The following DISP2 variants were observed in gnomAD, a reference collection of about 807,000 sequenced individuals.
DISP2 encodes the protein protein dispatched homolog 2.
DISP2 carries 59 observed loss-of-function variants against 95.5 expected under a neutral mutation model. That is an observed-to-expected ratio of 0.62 (90% CI 0.50 to 0.77). The LOEUF (loss-of-function observed/expected upper bound fraction) is 0.77, where lower values mean the gene tolerates loss of function less well. Among genes scored for constraint, DISP2 ranks in the 30% least tolerant of loss-of-function variants. DISP2 has a pLI of 0.00. For synonymous variants in DISP2, 827 were observed against 815.0 expected, an observed-to-expected ratio of 1.01 and a Z score of -0.25; for missense variants, 1,752 against 1,854.6, an observed-to-expected ratio of 0.94 and a Z score of 1.02.
chr15:40,365,839 A>G (rs1445233441), intron 7 of DISP2, 114 bp downstream of exon 7: 14 of 1,032,738 alleles, frequency 1.4e-5, no homozygotes, highest in Middle Eastern at 5.9e-4. Context: ...GGGGAAGAGC[A>G]TTCCCTGCTT....
At position 40,370,499 on chromosome 15, in the gene DISP2, A is replaced by C. The variant is rs1889624785; in HGVS notation, c.*181A>C. ...CTTGATCTGTCTGCTCCTACTCCTC[A>C]CATCTGGAGGATTCCAGCAGGAGGG... is the stretch of plus-strand genomic sequence containing the variant. On this transcript the variant is annotated 3_prime_UTR_variant, in exon 8 of 8. Coordinates refer to ENST00000267889, the MANE Select transcript of DISP2 (RefSeq NM_033510.3). 7 of 1,125,078 alleles carry C rather than the reference A, an allele frequency of 6.2e-6. No individual in the cohort carries two copies. The highest frequency in any genetic ancestry group is 2.8e-5 in the South Asian group (2 of 72,566). 69.7% of individuals were successfully genotyped at this position (1,125,078 alleles called of 1,614,324 possible). A position where few individuals can be genotyped will look rare whatever the true frequency, so the allele number is the denominator to read the frequency against.
At position 40,371,421 on chromosome 15, in the gene DISP2, G is replaced by A. The variant is rs1327723267; in HGVS notation, c.*1103G>A. On this transcript the variant is annotated 3_prime_UTR_variant, in exon 8 of 8. Transcript: ENST00000267889. ...CCTCCCTCTGGAATCTGGCTGAGATGTCTGCTGGCCCTGGGGCGTCCTAGC... is the reference window on the plus strand; with the variant it reads ...CCTCCCTCTGGAATCTGGCTGAGATATCTGCTGGCCCTGGGGCGTCCTAGC... 1 of 152,424 alleles carries A rather than the reference G, an allele frequency of 6.6e-6. No homozygotes were observed. The highest frequency in any genetic ancestry group is 1.5e-5 in the Non-Finnish European group (1 of 68,206). 9.4% of individuals were successfully genotyped at this position (152,424 alleles called of 1,614,324 possible). A position where few individuals can be genotyped will look rare whatever the true frequency, so the allele number is the denominator to read the frequency against.
intron 7 of DISP2, among the ~76,000 whole-genome samples, chr15:40,366,391 G>A (rs1889497208): frequency 6.6e-6 from 1 of 152,200 alleles, no homozygotes; most frequent in Non-Finnish European, 1.5e-5. Context: ...TGAGATAGAA[G>A]TTGAAAAAAT....
In DISP2 at chr15:40,363,940, T is replaced by C. The variant is rs12443160; in HGVS notation, c.435T>C (p.His145=). The C allele has an allele frequency of 0.12, 178,109 of 1,531,070 alleles. 18,108 individuals carry two copies. The highest frequency in any genetic ancestry group is 0.56 in the East Asian group (24,623 of 44,064). 94.8% of individuals were successfully genotyped at this position (1,531,070 alleles called of 1,614,324 possible). A position where few individuals can be genotyped will look rare whatever the true frequency, so the allele number is the denominator to read the frequency against. ...GGAAGCCACCCGCTGTGCAGCACCATGTGGTCAGCGTCAGGTAAGGAGGGG... is the reference window on the plus strand; with the variant it reads ...GGAAGCCACCCGCTGTGCAGCACCACGTGGTCAGCGTCAGGTAAGGAGGGG... ...GTWKPPAVQH[H]VVSVRQERAF... Residue 145 remains histidine, a synonymous_variant, in exon 2 of 8, where the codon CAT becomes CAC. Coordinates refer to ENST00000267889, the MANE Select transcript of DISP2 (RefSeq NM_033510.3).
At position 40,374,003 on chromosome 15, in the gene DISP2, T is replaced by TAAAAAAAAAAAAAAAAAAAAAA. The variant is rs1555400587; in HGVS notation, c.*3697_*3698insAAAAAAAAAAAAAAAAAAAAAA. 1.8e-5 allele frequency: 2 copies of TAAAAAAAAAAAAAAAAAAAAAA among 114,136 alleles called. No homozygotes were observed. The highest frequency in any genetic ancestry group is 3.6e-5 in the Non-Finnish European group (2 of 56,072). The allele number at this position is 114,136 out of a possible 1,614,324, so 7.1% of individuals were successfully genotyped here. ...TGGGCAACAGAGCGAGACTCCATCT[T>TAAAAAAAAAAAAAAAAAAAAAA]AAAAAAAAAAAATATATATATATAT... is the stretch of plus-strand genomic sequence containing the variant. On this transcript the variant is annotated 3_prime_UTR_variant, in exon 8 of 8. Coordinates refer to ENST00000267889, the MANE Select transcript of DISP2 (RefSeq NM_033510.3).
Position 40,377,419 on chromosome 15 carries a change from A to G in DISP2, c.*7101A>G, listed in dbSNP as rs553641243. The G allele has an allele frequency of 7.9e-5, 12 of 152,214 alleles. No homozygotes were observed. Among genetic ancestry groups the G allele is most frequent in the Non-Finnish European group, 1.5e-4 (10 of 68,032 alleles). 9.4% of individuals were successfully genotyped at this position (152,214 alleles called of 1,614,324 possible). Reference sequence around the variant, plus strand: ...TTTATCCTCCTGCCTGAAACAACCAACCAAACAGTAAATACATGAAATAAT... The same window carrying G: ...TTTATCCTCCTGCCTGAAACAACCAGCCAAACAGTAAATACATGAAATAAT... On this transcript the variant is annotated 3_prime_UTR_variant, in exon 8 of 8. Transcript: ENST00000267889.
At chr15:40,364,367 T>G in intron 3 of DISP2, 54 bp from the exon 4 acceptor site, 1 of 1,613,358 alleles carries the variant, frequency 6.2e-7, no homozygotes, top group Non-Finnish European at 8.5e-7. Flanking sequence ...GAGCCTGAGC[T>G]CAGCACCCGT....
At position 40,367,583 on chromosome 15, in the gene DISP2, T is replaced by C. The variant is rs942713637; in HGVS notation, c.1471T>C (p.Tyr491His). The change falls in exon 8 of 8, where the codon TAC (tyrosine) becomes CAC (histidine). Residue 491 changes from tyrosine (Y) to histidine (H), a missense_variant. Physicochemically the swap from Tyr to His is moderately conservative, Grantham distance 83 (BLOSUM62 2). Coordinates refer to ENST00000267889, the MANE Select transcript of DISP2 (RefSeq NM_033510.3). ...GCACTTCCTGGTCCAGGACACGGTGTACCCCTTGCTGGCTCTGGTTGCCAT... is the reference window on the plus strand; with the variant it reads ...GCACTTCCTGGTCCAGGACACGGTGCACCCCTTGCTGGCTCTGGTTGCCAT... ...LRHFLVQDTV[Y>H]PLLALVAIFF... is the part of the protein sequence containing the mutation. 6.2e-7 allele frequency: 1 copy of C among 1,613,830 alleles called. No homozygotes were observed. Among genetic ancestry groups the C allele is most frequent in the Non-Finnish European group, 8.5e-7 (1 of 1,180,002 alleles).
chr15:40,360,688 G>A (rs981609410), intron 1 of DISP2, among the ~76,000 whole-genome samples: 7 of 152,126 alleles, frequency 4.6e-5, no homozygotes, highest in Non-Finnish European at 1.0e-4. Flanking sequence ...CTCTTCTCCC[G>A]TATCCTCTGG....
chr15:40,366,174 C>A (rs922736581), intron 7 of DISP2, among the ~76,000 whole-genome samples: 20 of 152,248 alleles, frequency 1.3e-4, no homozygotes, highest in Non-Finnish European at 2.6e-4. Flanking sequence ...CCCAGCCCCC[C>A]ACTTCACACG....
At position 40,374,106 on chromosome 15, in the gene DISP2, TG is replaced by T. The variant is rs1049798573; in HGVS notation, c.*3789del. 27 of 150,088 alleles carry T rather than the reference TG, an allele frequency of 1.8e-4. No individual in the cohort carries two copies. Among genetic ancestry groups the T allele is most frequent in the African/African-American group, 5.9e-4 (24 of 40,634 alleles). The allele number at this position is 150,088 out of a possible 1,614,324, so 9.3% of individuals were successfully genotyped here. On this transcript the variant is annotated 3_prime_UTR_variant, in exon 8 of 8. Transcript: ENST00000267889. ...TGTGGTGATTTGGGGACTTTTAGAG[TG>T]ACAGTGTTAGACAGACTGATTTTAT...
intron 5 of DISP2, 23 bp downstream of exon 5, chr15:40,364,976 C>T (rs1308473966): frequency 1.9e-6 from 3 of 1,612,412 alleles, no homozygotes; most frequent in South Asian, 1.1e-5. Context: ...CATCTTTTCA[C>T]TGTGGGTGGC....
At chr15:40,364,400 G>C (rs1004846136) in intron 3 of DISP2, 21 bp from the exon 4 acceptor site, 1 of 1,613,496 alleles carries the variant, frequency 6.2e-7, no homozygotes. Context: ...CAACTCATGT[G>C]GACTCCTCCC....
chr15:40,361,554 G>C (rs139418292), intron 1 of DISP2, among the ~76,000 whole-genome samples: 4 of 152,196 alleles, frequency 2.6e-5, no homozygotes, highest in Admixed American at 2.6e-4. Flanking sequence ...CAAGGCCCCA[G>C]AGCCAAAGGG....
Position 40,370,103 on chromosome 15 carries a change from G to C in DISP2, c.3991G>C (p.Gly1331Arg). The change falls in exon 8 of 8, where the codon GGC becomes CGC. Residue 1331 changes from glycine to arginine, a missense_variant. Around this residue, in one of 5 missense-constraint regions of DISP2, gnomAD observed 347 missense variants for 344.2 expected, o/e 1.01. Transcript: ENST00000267889. ...DDTGQPVLER[G>R]QLNGKRDTLW... ...CACTGGGCAGCCAGTCCTTGAGCGA[G>C]GCCAGCTCAATGGGAAGCGGGACAC... The C allele has an allele frequency of 6.2e-7, 1 of 1,610,638 alleles. No individual in the cohort carries two copies.
chr15:40,369,865 C>T lies in DISP2; in HGVS notation c.3753C>T (p.Asp1251=), dbSNP rs764512364. ...GCCCCAAAACCCGGGCCAGGCAGGACTCCCAAGGGGAGGAGGCTGAGCCCC... is the reference window on the plus strand; with the variant it reads ...GCCCCAAAACCCGGGCCAGGCAGGATTCCCAAGGGGAGGAGGCTGAGCCCC... ...GPSPKTRARQ[D]SQGEEAEPLP... The change falls in exon 8 of 8, where the codon GAC becomes GAT. Residue 1251 remains aspartate, a synonymous_variant. Transcript: ENST00000267889. The T allele has an allele frequency of 2.6e-6, 4 of 1,568,598 alleles. No homozygotes were observed. The highest frequency in any genetic ancestry group is 3.5e-6 in the Non-Finnish European group (4 of 1,155,404).
chr15:40,362,921 G>A (rs2141259460), intron 1 of DISP2, among the ~76,000 whole-genome samples: 1 of 152,344 alleles, frequency 6.6e-6, no homozygotes, highest in Admixed American at 6.5e-5. Flanking sequence ...GAAGAACTGG[G>A]TTTGAGTACC....
chr15:40,369,376 G>C lies in DISP2; in HGVS notation c.3264G>C (p.Leu1088=), dbSNP rs1313471690. ...CCACAGTGCTGCTCTATCGCAAGCT[G>C]GGCATCATCCTCATGATGGTCAAAT... ...LPATVLLYRK[L]GIILMMVKCV... is the part of the protein sequence containing the mutation. The change falls in exon 8 of 8, where the codon CTG becomes CTC. Residue 1088 remains leucine, a synonymous_variant. Coordinates refer to ENST00000267889, the MANE Select transcript of DISP2 (RefSeq NM_033510.3). 6.2e-7 allele frequency: 1 copy of C among 1,613,574 alleles called. No homozygotes were observed. Among genetic ancestry groups the C allele is most frequent in the South Asian group, 1.1e-5 (1 of 91,084 alleles).
rs1889751461 is a variant in DISP2 at position 40,377,853 on chromosome 15, G to A, written c.*7535G>A. ...GGACCACGCCTGTCCCCATCAGCCA[G>A]ATTGGAAAACCTCAAATTTATGGAG... On this transcript the variant is annotated 3_prime_UTR_variant, in exon 8 of 8. Coordinates refer to ENST00000267889, the MANE Select transcript of DISP2 (RefSeq NM_033510.3). The A allele has an allele frequency of 2.6e-5, 4 of 152,614 alleles. No homozygotes were observed. The South Asian group carries it at 8.3e-4, about 32-fold the overall frequency. 9.5% of individuals were successfully genotyped at this position (152,614 alleles called of 1,614,324 possible). A position where few individuals can be genotyped will look rare whatever the true frequency, so the allele number is the denominator to read the frequency against.
Sources: allele counts gnomAD v4.1 joint callset (sites outside exome capture counted in the v4.1 genomes callset), GRCh38; gene constraint gnomAD v4.1.1; regional missense constraint gnomAD v4.1.1; transcripts MANE v1.5; gene names NCBI Gene and HGNC (gene_info 2026-07-23, HGNC 2026-07-21).